Variants in IMMP2L observed in about 807,000 individuals in gnomAD.
The protein encoded by IMMP2L is mitochondrial inner membrane protease subunit 2.
Under a neutral mutation model 19.3 loss-of-function variants are expected in IMMP2L, and 18 were observed. The ratio of observed to expected loss-of-function variants is 0.93; its 90% CI spans 0.64 to 1.38. The LOEUF is 1.38. IMMP2L is among the 40% of genes most tolerant of loss of function. The pLI is 0.00. For synonymous variants in IMMP2L, 76 were observed against 73.0 expected (o/e 1.04, Z -0.21); for missense variants, 233 against 218.2 (o/e 1.07, Z -0.43).
At chr7:111,080,369 G>A (rs1358329432) in intron 3 of IMMP2L, among the ~76,000 whole-genome samples, 1 of 151,724 alleles carries the variant, frequency 6.6e-6, no homozygotes, top group African/African-American at 2.4e-5. Flanking sequence ...TCCTTTCAAT[G>A]CAATTTTATC....
chr7:110,666,424 G>A (rs10242006), intron 5 of IMMP2L, among the ~76,000 whole-genome samples: 4,914 of 152,032 alleles, frequency 0.032, 177 homozygotes, highest in African/African-American at 0.083. Context: ...ACAGGCGCCC[G>A]CCACCATGCC....
intron 3 of IMMP2L, among the ~76,000 whole-genome samples, chr7:111,475,056 C>G (rs1841601068): frequency 6.6e-6 from 1 of 152,066 alleles, no homozygotes; most frequent in Admixed American, 6.6e-5. Context: ...ATATCCATAG[C>G]TAAATCAAAC....
At chr7:111,207,711 T>C (rs553758527) in intron 3 of IMMP2L, among the ~76,000 whole-genome samples, 4 of 151,994 alleles carry the variant, frequency 2.6e-5, no homozygotes, top group African/African-American at 9.7e-5. Flanking sequence ...AATTTTCATA[T>C]TTTTAGTAGA....
At chr7:110,976,283 G>T (rs1473619314) in intron 3 of IMMP2L, among the ~76,000 whole-genome samples, 2 of 151,946 alleles carry the variant, frequency 1.3e-5, no homozygotes, top group Non-Finnish European at 1.5e-5. Context: ...ATGATGATTA[G>T]ATCATAATAC....
intron 3 of IMMP2L, among the ~76,000 whole-genome samples, chr7:110,979,786 G>A (rs1198204174): frequency 6.6e-6 from 1 of 152,124 alleles, no homozygotes; most frequent in Non-Finnish European, 1.5e-5. Flanking sequence ...ACCTCAAGGT[G>A]GAAAGGATGG....
At chr7:111,103,464 G>T (rs1798199911) in intron 3 of IMMP2L, among the ~76,000 whole-genome samples, 1 of 151,482 alleles carries the variant, frequency 6.6e-6, no homozygotes, top group Non-Finnish European at 1.5e-5. Context: ...TAACTAACAT[G>T]GTAAATAGCG....
chr7:111,298,951 T>C (rs1442676246), intron 3 of IMMP2L, among the ~76,000 whole-genome samples: 4 of 152,098 alleles, frequency 2.6e-5, no homozygotes, highest in African/African-American at 9.7e-5. Context: ...GTAATGAGTG[T>C]CTGTTATAAG....
chr7:110,752,404 C>G (rs1486687954), intron 5 of IMMP2L, among the ~76,000 whole-genome samples: 2 of 151,872 alleles, frequency 1.3e-5, no homozygotes, highest in Non-Finnish European at 2.9e-5. Flanking sequence ...ATTTCTGTGT[C>G]CTAGATTATG....
At chr7:111,391,646 A>G (rs1832360204) in intron 3 of IMMP2L, among the ~76,000 whole-genome samples, 1 of 152,150 alleles carries the variant, frequency 6.6e-6, no homozygotes, top group South Asian at 2.1e-4. Flanking sequence ...AAATAACCCA[A>G]CGTGAAAATT....
intron 2 of IMMP2L, among the ~76,000 whole-genome samples, chr7:111,516,133 T>G (rs544703982): frequency 6.6e-6 from 1 of 152,216 alleles, no homozygotes; most frequent in East Asian, 1.9e-4. Context: ...CTTGAGTCAT[T>G]TCTTAATGTA....
rs1053246480 is a variant in IMMP2L, at chr7:111,073,185, A to C, written c.240-109620T>G. 4.6e-5 allele frequency among the ~76,000 whole-genome samples: 7 copies of C among 152,286 alleles called. No homozygotes were observed. In the East Asian group the frequency reaches 1.4e-3, roughly 29 times the overall value. ...AATGCACTTTCAAATAAGTCAACAA[A>C]AATGATGGTCATAAAAATGACAATG... is the stretch of plus-strand genomic sequence containing the variant. On this transcript the variant is annotated intron_variant, in intron 3 of 5. Transcript: ENST00000405709.
At chr7:111,503,079 C>T (rs1023481537) in intron 2 of IMMP2L, among the ~76,000 whole-genome samples, 1 of 151,660 alleles carries the variant, frequency 6.6e-6, no homozygotes, top group Non-Finnish European at 1.5e-5. Flanking sequence ...GCTAGCAAGA[C>T]TAATAAAGAA....
At chr7:111,102,950 A>G (rs976226813) in intron 3 of IMMP2L, among the ~76,000 whole-genome samples, 5 of 151,522 alleles carry the variant, frequency 3.3e-5, no homozygotes, top group African/African-American at 7.3e-5. Flanking sequence ...CATATAGTAT[A>G]GGACAATGAG....
chr7:110,770,153 A>G (rs6466361), intron 5 of IMMP2L, among the ~76,000 whole-genome samples: 38,720 of 152,162 alleles, frequency 0.25, 5,460 homozygotes, highest in African/African-American at 0.37. Flanking sequence ...AGATAAACCT[A>G]ATAGTGCTAT....
At chr7:111,482,558 A>G (rs1842283222) in intron 3 of IMMP2L, among the ~76,000 whole-genome samples, 1 of 152,100 alleles carries the variant, frequency 6.6e-6, no homozygotes, top group Non-Finnish European at 1.5e-5. Flanking sequence ...TAGCAGCTAT[A>G]AATTTGACTC....
chr7:111,514,140 C>G (rs1227607814), intron 2 of IMMP2L, among the ~76,000 whole-genome samples: 1 of 152,022 alleles, frequency 6.6e-6, no homozygotes, highest in Non-Finnish European at 1.5e-5. Context: ...GCTAATAATA[C>G]TGTATTATAC....
intron 3 of IMMP2L, among the ~76,000 whole-genome samples, chr7:111,073,819 T>C (rs1795161015): frequency 6.6e-6 from 1 of 152,210 alleles, no homozygotes; most frequent in African/African-American, 2.4e-5. Flanking sequence ...TACTTATTTC[T>C]AATGGTCTGT....
chr7:111,151,689 A>G (rs1804089251), intron 3 of IMMP2L, among the ~76,000 whole-genome samples: 1 of 152,144 alleles, frequency 6.6e-6, no homozygotes, highest in Non-Finnish European at 1.5e-5. Context: ...CTCTAACACC[A>G]CCATGTTAGG....
chr7:111,295,494 G>A (rs565677268), intron 3 of IMMP2L, among the ~76,000 whole-genome samples: 1 of 151,806 alleles, frequency 6.6e-6, no homozygotes, highest in African/African-American at 2.4e-5. Flanking sequence ...CAAAAGATTA[G>A]AATAAGTAAA....
Sources: allele counts gnomAD v4.1 joint callset (sites outside exome capture counted in the v4.1 genomes callset), GRCh38; gene constraint gnomAD v4.1.1; transcripts MANE v1.5; gene names NCBI Gene and HGNC (gene_info 2026-07-23, HGNC 2026-07-21).